Variants in SERGEF observed in about 807,000 individuals in gnomAD.
SERGEF encodes the protein secretion-regulating guanine nucleotide exchange factor.
A neutral mutation model predicts 50.0 loss-of-function variants in SERGEF; 51 were observed. The ratio of observed to expected loss-of-function variants is 1.02; its 90% confidence interval spans 0.81 to 1.29. The LOEUF (loss-of-function observed/expected upper bound fraction) is 1.29. Among genes scored for constraint, SERGEF ranks in the 50% most tolerant of loss-of-function variants. The pLI, the probability that SERGEF is intolerant of heterozygous loss-of-function variation, is 0.00. For synonymous variants in SERGEF, 205 were observed against 212.4 expected (o/e 0.97, Z 0.30); for missense variants, 521 against 557.0 (o/e 0.94, Z 0.65).
intron 9 of SERGEF, among the ~76,000 whole-genome samples, chr11:17,925,359 T>C (rs910796719): frequency 1.3e-5 from 2 of 151,408 alleles, no homozygotes; most frequent in African/African-American, 4.9e-5. Flanking sequence ...ACACCACTCA[T>C]GGCAGAAGAA....
intron 10 of SERGEF, among the ~76,000 whole-genome samples, chr11:17,814,854 G>T (rs189378707): frequency 1.3e-3 from 197 of 152,250 alleles, no homozygotes; most frequent in African/African-American, 4.6e-3. Context: ...GAACAATTTT[G>T]CTCATTCAAG....
chr11:17,914,214 G>A (rs533867899), intron 9 of SERGEF, among the ~76,000 whole-genome samples: 40 of 152,168 alleles, frequency 2.6e-4, no homozygotes, highest in African/African-American at 9.2e-4. Context: ...CAAATCTTAC[G>A]GATTTTCAAG....
intron 8 of SERGEF, among the ~76,000 whole-genome samples, chr11:17,980,454 T>C (rs1187748168): frequency 6.6e-6 from 1 of 152,022 alleles, no homozygotes; most frequent in Non-Finnish European, 1.5e-5. Flanking sequence ...GGGTAAGTGA[T>C]CTTATTAACT....
At chr11:17,793,407 T>C (rs1849518176) in intron 10 of SERGEF, among the ~76,000 whole-genome samples, 1 of 152,170 alleles carries the variant, frequency 6.6e-6, no homozygotes, top group South Asian at 2.1e-4. Flanking sequence ...AGTAATAAGC[T>C]CCTCCAGCAT....
chr11:17,814,916 C>T (rs1849937887), intron 10 of SERGEF, among the ~76,000 whole-genome samples: 1 of 152,190 alleles, frequency 6.6e-6, no homozygotes, highest in Non-Finnish European at 1.5e-5. Flanking sequence ...TAGGTGCGCT[C>T]AGGCCTATAA....
intron 9 of SERGEF, among the ~76,000 whole-genome samples, chr11:17,906,241 T>C: frequency 6.6e-6 from 1 of 152,110 alleles, no homozygotes; most frequent in East Asian, 1.9e-4. Context: ...TTACCAACCC[T>C]TTCCTCATTA....
At chr11:18,012,774 T>TGCCCCCCCCCCCCCCCCCCCACCCCCCC in intron 1 of SERGEF, 177 bp downstream of exon 1, 1 of 1,285,096 alleles carries the variant, frequency 7.8e-7, no homozygotes, top group African/African-American at 1.5e-5. Flanking sequence ...GACCCTTCCT[T>TGCCCCCCCCCCCCCCCCCCCACCCCCCC]CCCCGCCCGC....
chr11:17,987,391 T>C (rs574713466), intron 8 of SERGEF, among the ~76,000 whole-genome samples: 5 of 152,150 alleles, frequency 3.3e-5, no homozygotes, highest in East Asian at 1.9e-4. Context: ...AAGAGAGATA[T>C]CAACAATTAC....
intron 9 of SERGEF, among the ~76,000 whole-genome samples, chr11:17,912,370 T>C (rs1350785296): frequency 6.6e-6 from 1 of 152,188 alleles, no homozygotes; most frequent in Non-Finnish European, 1.5e-5. Flanking sequence ...GGAATCTGAA[T>C]ACCATTTGTG....
chr11:17,811,154 C>G (rs72872384), intron 10 of SERGEF, among the ~76,000 whole-genome samples: 216 of 152,302 alleles, frequency 1.4e-3, no homozygotes, highest in Non-Finnish European at 1.1e-3. Context: ...TAACCCAATT[C>G]CTAAATGTTT....
intron 10 of SERGEF, among the ~76,000 whole-genome samples, chr11:17,804,448 T>G (rs1849722715): frequency 6.6e-6 from 1 of 152,228 alleles, no homozygotes. Flanking sequence ...GACAAAATGA[T>G]TTCTAGAGGC....
intron 9 of SERGEF, among the ~76,000 whole-genome samples, chr11:17,936,788 C>T (rs984149397): frequency 3.9e-5 from 6 of 152,212 alleles, no homozygotes; most frequent in African/African-American, 1.4e-4. Context: ...GTACTTCAGA[C>T]ACTCAGGCAT....
chr11:17,996,746 A>C (rs1175146242), intron 5 of SERGEF, among the ~76,000 whole-genome samples: 1 of 152,244 alleles, frequency 6.6e-6, no homozygotes, highest in Non-Finnish European at 1.5e-5. Context: ...ATGACCACTG[A>C]GCACAATGTG....
At chr11:17,969,079 C>T (rs1853191040) in intron 8 of SERGEF, among the ~76,000 whole-genome samples, 1 of 152,176 alleles carries the variant, frequency 6.6e-6, no homozygotes, top group Admixed American at 6.5e-5. Context: ...CTCTTAAATG[C>T]TAGTGTTAAT....
intron 5 of SERGEF, among the ~76,000 whole-genome samples, chr11:17,997,356 C>T (rs1419986060): frequency 6.6e-6 from 1 of 152,202 alleles, no homozygotes; most frequent in Non-Finnish European, 1.5e-5. Flanking sequence ...TTTGATGCTA[C>T]TATTTTTAAA....
rs9783400 is a variant in SERGEF at position 17,807,449 on chromosome 11, C to T, written c.1049-19036G>A. Among the ~76,000 whole-genome samples the T allele has an allele frequency of 5.2e-3, 789 of 152,316 alleles. 9 individuals are homozygous for T. Among genetic ancestry groups the T allele is most frequent in the African/African-American group, 0.018 (760 of 41,570 alleles). ...TCCTATAAACATACTTTGGGCCACT[C>T]ACCTGGTCCCTTTACTGATAAGGAA... On this transcript the variant is annotated intron_variant, in intron 10 of 10. Coordinates refer to ENST00000265965, the MANE Select transcript of SERGEF (RefSeq NM_012139.4).
chr11:17,869,710 T>G (rs1302047895), intron 10 of SERGEF, among the ~76,000 whole-genome samples: 1 of 152,048 alleles, frequency 6.6e-6, no homozygotes, highest in Non-Finnish European at 1.5e-5. Context: ...GGAATAAATA[T>G]CAACATAAAA....
intron 10 of SERGEF, among the ~76,000 whole-genome samples, chr11:17,872,122 T>C (rs1232211161): frequency 6.6e-6 from 1 of 152,156 alleles, no homozygotes; most frequent in African/African-American, 2.4e-5. Flanking sequence ...ACAGACACAA[T>C]GTGTTGAACA....
At chr11:17,811,093 C>T (rs75922061) in intron 10 of SERGEF, among the ~76,000 whole-genome samples, 9,125 of 152,192 alleles carry the variant, frequency 0.06, 934 homozygotes, top group African/African-American at 0.21. Flanking sequence ...ATTTTTCTTT[C>T]AAAGCTGAAT....
Sources: allele counts gnomAD v4.1 joint callset (sites outside exome capture counted in the v4.1 genomes callset), GRCh38; gene constraint gnomAD v4.1.1; transcripts MANE v1.5; gene names NCBI Gene and HGNC (gene_info 2026-07-23, HGNC 2026-07-21).